USP14: variants seen among roughly 807,000 people sequenced by gnomAD.
USP14 encodes the protein ubiquitin specific peptidase 14, also known as ubiquitin carboxyl-terminal hydrolase 14.
Under a neutral mutation model 76.5 loss-of-function variants are expected in USP14, and 38 were observed. The ratio of observed to expected loss-of-function variants is 0.50; its 90% CI spans 0.38 to 0.65. The LOEUF (loss-of-function observed/expected upper bound fraction) is 0.65, where lower values mean the gene tolerates loss of function less well. Among genes scored for constraint, USP14 ranks in the 30% least tolerant of loss-of-function variants. The pLI is 0.00. For missense variants in USP14, 467 were observed against 586.5 expected (o/e 0.80, Z 2.10); for synonymous variants, 192 against 191.7 (o/e 1.00, Z -0.01).
At chr18:160,524 TA>T (rs1439644722) in intron 1 of USP14, among the ~76,000 whole-genome samples, 1 of 152,148 alleles carries the variant, frequency 6.6e-6, no homozygotes, top group Non-Finnish European at 1.5e-5. Flanking sequence ...CCCCCGTCTC[TA>T]AAAATAAACA....
intron 10 of USP14, among the ~76,000 whole-genome samples, chr18:202,315 T>A (rs1372984468): frequency 6.6e-6 from 1 of 152,234 alleles, no homozygotes; most frequent in Non-Finnish European, 1.5e-5. Context: ...AAATACCGTT[T>A]CCACTGTTAC....
intron 10 of USP14, among the ~76,000 whole-genome samples, chr18:201,487 TAAG>T (rs555206787): frequency 6.6e-6 from 1 of 152,208 alleles, no homozygotes; most frequent in Non-Finnish European, 1.5e-5. Flanking sequence ...TTAAAGGGCA[TAAG>T]AAGAAGAGTG....
At chr18:203,770 C>G (rs1435062221) in intron 12 of USP14, among the ~76,000 whole-genome samples, 1 of 152,024 alleles carries the variant, frequency 6.6e-6, no homozygotes, top group African/African-American at 2.4e-5. Flanking sequence ...CCACCGTGCC[C>G]GGCTAATTTT....
At chr18:197,740 G>C in intron 8 of USP14, 44 bp downstream of exon 8, 1 of 1,441,046 alleles carries the variant, frequency 6.9e-7, no homozygotes, top group Non-Finnish European at 9.4e-7. Context: ...GTTATACCTT[G>C]ATTTTTTTTT....
rs1225570567 is a variant in USP14, at chr18:213,352, C to CATT, written c.*2071_*2073dup. 6.6e-6 allele frequency: 1 copy of CATT among 151,966 alleles called. No homozygotes were observed. Among genetic ancestry groups the CATT allele is most frequent in the Non-Finnish European group, 1.5e-5 (1 of 67,990 alleles). The allele number at this position is 151,966 out of a possible 1,614,324, so 9.4% of individuals were successfully genotyped here. On this transcript the variant is annotated 3_prime_UTR_variant, in exon 16 of 16. Coordinates refer to ENST00000261601, the MANE Select transcript of USP14 (RefSeq NM_005151.4). The stretch of plus-strand genomic sequence containing the variant: ...AAAATTGTAATTAATTCCTTATCAT[C>CATT]ATTATAAAAAGCTTGATTTTTTTAT...
chr18:195,007 A>G (rs1174560388), intron 6 of USP14, among the ~76,000 whole-genome samples: 1 of 152,132 alleles, frequency 6.6e-6, no homozygotes, highest in African/African-American at 2.4e-5. Flanking sequence ...GATTTTGCCA[A>G]CTGTCCTAGT....
chr18:184,333 A>G (rs1011050912), intron 5 of USP14, among the ~76,000 whole-genome samples: 27 of 152,182 alleles, frequency 1.8e-4, no homozygotes, highest in East Asian at 1.9e-4. Context: ...GAAAAATGGC[A>G]CTAACTGATA....
intron 3 of USP14, among the ~76,000 whole-genome samples, chr18:168,715 G>A (rs969007567): frequency 4.6e-5 from 7 of 152,118 alleles, no homozygotes; most frequent in African/African-American, 9.6e-5. Flanking sequence ...AATTACAGGC[G>A]TGAGCCACTG....
At position 183,320 on chromosome 18, in the gene USP14, CT is replaced by C. The variant is rs968252492; in HGVS notation, c.404+2993del. 6.0e-3 allele frequency among the ~76,000 whole-genome samples: 867 copies of C among 143,500 alleles called. 22 individuals are homozygous for C. The East Asian group carries it at 0.082, about 13-fold the overall frequency. 94.1% of individuals were successfully genotyped at this position (143,500 alleles called of 152,430 possible). A position where few individuals can be genotyped will look rare whatever the true frequency, so the allele number is the denominator to read the frequency against. On this transcript the variant is annotated intron_variant, in intron 5 of 15. Transcript: ENST00000261601. ...CTGTTAGTAGCTTTTAGGGTTTTCT[CT>C]TTTTTTTTTTTCTTTCCCCCAGTTT...
At chr18:167,157 G>A (rs1428779848) in intron 3 of USP14, among the ~76,000 whole-genome samples, 1 of 152,158 alleles carries the variant, frequency 6.6e-6, no homozygotes, top group Non-Finnish European at 1.5e-5. Flanking sequence ...GCTGAGGTGG[G>A]AGGCTGAGGC....
intron 4 of USP14, among the ~76,000 whole-genome samples, 155 bp downstream of exon 4, chr18:179,192 G>T (rs1156593640): frequency 3.9e-5 from 6 of 151,980 alleles, no homozygotes; most frequent in African/African-American, 1.4e-4. Flanking sequence ...TATTATTTTT[G>T]ATTAGCTTAA....
intron 10 of USP14, among the ~76,000 whole-genome samples, chr18:200,714 A>T (rs186042559): frequency 1.3e-5 from 2 of 152,186 alleles, no homozygotes; most frequent in African/African-American, 4.8e-5. Flanking sequence ...TTGAACTGAT[A>T]CCTTTTAATA....
chr18:170,801 G>A (rs559678791), intron 3 of USP14, among the ~76,000 whole-genome samples: 5 of 151,850 alleles, frequency 3.3e-5, no homozygotes, highest in African/African-American at 4.8e-5. Context: ...AGTGGGAGCC[G>A]AGCAATGAGA....
At chr18:202,364 A>G (rs1172371253) in intron 10 of USP14, among the ~76,000 whole-genome samples, 4 of 152,234 alleles carry the variant, frequency 2.6e-5, no homozygotes, top group Non-Finnish European at 5.9e-5. Context: ...ATGCTGGTTA[A>G]GATATGTGCA....
At chr18:178,773 C>T (rs1031784468) in intron 3 of USP14, 160 bp from the exon 4 acceptor site, 93 of 510,980 alleles carry the variant, frequency 1.8e-4, no homozygotes, top group Non-Finnish European at 2.4e-4. Context: ...CTCTCCCCAT[C>T]TCCAGTCCTA....
intron 6 of USP14, 84 bp downstream of exon 6, chr18:192,984 C>CA: frequency 8.4e-7 from 1 of 1,189,864 alleles, no homozygotes; most frequent in Non-Finnish European, 1.2e-6. Flanking sequence ...TACAGAATGT[C>CA]TTTTGTAAAA....
chr18:159,419 C>T (rs1416051413), intron 1 of USP14, among the ~76,000 whole-genome samples: 1 of 152,178 alleles, frequency 6.6e-6, no homozygotes, highest in East Asian at 1.9e-4. Context: ...GTCCAGGGTA[C>T]TGGCCAGGGA....
At chr18:201,273 T>A (rs1728030143) in intron 10 of USP14, among the ~76,000 whole-genome samples, 1 of 152,170 alleles carries the variant, frequency 6.6e-6, no homozygotes, top group South Asian at 2.1e-4. Flanking sequence ...CCATGACCAA[T>A]AAAGAGAAGT....
intron 5 of USP14, among the ~76,000 whole-genome samples, chr18:188,764 G>A (rs1236792786): frequency 1.3e-5 from 2 of 151,718 alleles, no homozygotes; most frequent in African/African-American, 2.4e-5. Context: ...TGCAACCTCC[G>A]CCTCCTGGGT....
Sources: gnomAD v4.1 joint callset for allele counts (sites outside exome capture counted in the v4.1 genomes callset) on GRCh38, gnomAD v4.1.1 for gene constraint, MANE v1.5 for transcripts, NCBI Gene and HGNC (gene_info 2026-07-23, HGNC 2026-07-21) for gene names.